Variants in UHRF2 observed in about 807,000 individuals in gnomAD.
UHRF2 encodes the protein ubiquitin like with PHD and ring finger domains 2.
Under a neutral mutation model 96.8 loss-of-function variants are expected in UHRF2, and 23 were observed. The ratio of observed to expected loss-of-function variants is 0.24; its 90% CI spans 0.17 to 0.34. The LOEUF (loss-of-function observed/expected upper bound fraction) is 0.34, where lower values mean the gene tolerates loss of function less well. UHRF2 is among the 10% of genes least tolerant of loss of function. UHRF2 has a pLI of 1.00. For missense variants in UHRF2, 685 were observed against 981.5 expected, an observed-to-expected ratio of 0.70 and a Z score of 4.04; for synonymous variants, 385 against 332.6, an observed-to-expected ratio of 1.16 and a Z score of -1.72.
chr9:6,422,812 A>G (rs1820010919), intron 2 of UHRF2: 2 of 396,524 alleles, frequency 5.0e-6, no homozygotes, highest in African/African-American at 4.1e-5. Context: ...CTTTCTTTAC[A>G]TATTTAATAT....
intron 9 of UHRF2, 62 bp downstream of exon 9, chr9:6,486,987 C>A: frequency 6.7e-7 from 1 of 1,498,246 alleles, no homozygotes; most frequent in Non-Finnish European, 9.2e-7. Flanking sequence ...AATAGAATAG[C>A]TTTGCCTAGG....
intron 6 of UHRF2, among the ~76,000 whole-genome samples, chr9:6,479,641 G>C (rs1483666301): frequency 6.6e-6 from 1 of 152,122 alleles, no homozygotes; most frequent in East Asian, 1.9e-4. Flanking sequence ...CAGTTGGTTA[G>C]TTGACTGGGA....
intron 3 of UHRF2, among the ~76,000 whole-genome samples, chr9:6,442,035 G>A (rs368536732): frequency 2.0e-5 from 3 of 152,148 alleles, no homozygotes; most frequent in African/African-American, 4.8e-5. Flanking sequence ...GCACGATCTT[G>A]GCTCACTGCA....
intron 3 of UHRF2, among the ~76,000 whole-genome samples, chr9:6,436,330 C>T (rs1294183285): frequency 2.0e-5 from 3 of 152,048 alleles, no homozygotes; most frequent in African/African-American, 4.8e-5. Context: ...GGTAATAGTA[C>T]CAACGATTAT....
Position 6,506,180 on chromosome 9 carries a change from T to C in UHRF2, c.*1T>C, listed in dbSNP as rs772039263. On this transcript the variant is annotated 3_prime_UTR_variant, in exon 16 of 16. Transcript: ENST00000276893. ...CCCTGGCTACAGCAAAGGACGATGA[T>C]CTGCCTGCTTTCACTGTGTTGTTCA... is the stretch of plus-strand genomic sequence containing the variant. 1 of 1,614,038 alleles carries C rather than the reference T, an allele frequency of 6.2e-7. No homozygotes were observed. Among genetic ancestry groups the C allele is most frequent in the East Asian group, 2.2e-5 (1 of 44,878 alleles).
chr9:6,436,427 C>T (rs903283472), intron 3 of UHRF2, among the ~76,000 whole-genome samples: 6 of 152,020 alleles, frequency 3.9e-5, no homozygotes, highest in Non-Finnish European at 2.9e-5. Context: ...AGTAAGTGGT[C>T]TCTGGGTTTA....
intron 3 of UHRF2, among the ~76,000 whole-genome samples, chr9:6,457,421 T>C (rs1822249150): frequency 6.6e-6 from 1 of 152,028 alleles, no homozygotes; most frequent in African/African-American, 2.4e-5. Context: ...GATGATGGGG[T>C]TTTCTAAATA....
chr9:6,482,131 G>T, intron 8 of UHRF2, 32 bp downstream of exon 8: 1 of 1,543,812 alleles, frequency 6.5e-7, no homozygotes, highest in Non-Finnish European at 9.0e-7. Context: ...GTTGAAAGGG[G>T]AGAATTGGCT....
At chr9:6,495,320 A>G (rs1457788587) in intron 10 of UHRF2, 1 of 152,186 alleles carries the variant, frequency 6.6e-6, no homozygotes, top group Non-Finnish European at 1.5e-5. Flanking sequence ...ATCAACTGAA[A>G]ACAATTTAGG....
rs201395060 is a variant in UHRF2 at position 6,460,759 on chromosome 9, C to G, written c.831C>G (p.Thr277=). Residue 277 remains threonine (T), a synonymous_variant, in exon 4 of 16, where the codon ACC becomes ACG. Coordinates refer to ENST00000276893, the MANE Select transcript of UHRF2 (RefSeq NM_152896.3). The part of the protein sequence containing the change: ...EITTLKTISR[T]KKELRVKIFL... ...CCACATTGAAGACAATCTCAAGGAC[C>G]AAAAAAGAACTTCGTGTGAAAATTT... 10 of 1,611,430 alleles carry G rather than the reference C, an allele frequency of 6.2e-6. No homozygotes were observed. The highest frequency in any genetic ancestry group is 3.4e-5 in the Admixed American group (2 of 59,494).
intron 3 of UHRF2, among the ~76,000 whole-genome samples, chr9:6,443,200 T>C (rs1821283798): frequency 6.6e-6 from 1 of 152,224 alleles, no homozygotes; most frequent in Non-Finnish European, 1.5e-5. Context: ...GGGCAAATGA[T>C]CGCCAGGAGC....
At chr9:6,483,762 T>G (rs570620533) in intron 8 of UHRF2, among the ~76,000 whole-genome samples, 70 of 151,980 alleles carry the variant, frequency 4.6e-4, no homozygotes, top group Non-Finnish European at 7.9e-4. Flanking sequence ...CGATCTTGGC[T>G]CACCACAACC....
chr9:6,416,334 C>G (rs970992574), intron 1 of UHRF2, among the ~76,000 whole-genome samples: 3 of 152,224 alleles, frequency 2.0e-5, no homozygotes, highest in South Asian at 2.1e-4. Flanking sequence ...TCCCAAAGTG[C>G]TGGGATTACA....
intron 1 of UHRF2, among the ~76,000 whole-genome samples, chr9:6,418,232 A>T (rs1380848175): frequency 6.8e-6 from 1 of 146,060 alleles, no homozygotes; most frequent in Non-Finnish European, 1.5e-5. Context: ...TTTTCCCTCC[A>T]CGGGAGTTCA....
At chr9:6,441,585 A>C (rs1454208232) in intron 3 of UHRF2, among the ~76,000 whole-genome samples, 1 of 152,158 alleles carries the variant, frequency 6.6e-6, no homozygotes, top group Non-Finnish European at 1.5e-5. Flanking sequence ...CATTACTATC[A>C]GGCAACTGCT....
intron 4 of UHRF2, among the ~76,000 whole-genome samples, chr9:6,469,726 A>ACG: frequency 6.6e-6 from 1 of 151,086 alleles, no homozygotes; most frequent in African/African-American, 2.4e-5. Context: ...ATATATGTGC[A>ACG]TATATACGTG....
chr9:6,452,926 C>A (rs948298595), intron 3 of UHRF2, among the ~76,000 whole-genome samples: 1 of 152,090 alleles, frequency 6.6e-6, no homozygotes, highest in African/African-American at 2.4e-5. Context: ...TATTAGGTAA[C>A]ATTTGAGCGC....
At chr9:6,417,686 G>A (rs191716122) in intron 1 of UHRF2, among the ~76,000 whole-genome samples, 1 of 152,296 alleles carries the variant, frequency 6.6e-6, no homozygotes, top group African/African-American at 2.4e-5. Flanking sequence ...GGTTTAAAAA[G>A]CCTGTCATAG....
intron 1 of UHRF2, among the ~76,000 whole-genome samples, chr9:6,420,060 C>G (rs987813254): frequency 2.1e-5 from 3 of 145,282 alleles, no homozygotes; most frequent in African/African-American, 5.0e-5. Context: ...CCCCCGCCAC[C>G]TTTTTTTTTT....
Sources: gnomAD v4.1 joint callset for allele counts (sites outside exome capture counted in the v4.1 genomes callset) on GRCh38, gnomAD v4.1.1 for gene constraint, MANE v1.5 for transcripts, NCBI Gene and HGNC (gene_info 2026-07-23, HGNC 2026-07-21) for gene names.